The following SEC31A variants were observed in gnomAD, a reference collection of about 807,000 sequenced individuals.
SEC31A encodes the protein protein transport protein Sec31A.
In SEC31A, 70 loss-of-function variants were observed where a neutral mutation model predicts 151.0. That is an observed-to-expected ratio of 0.46 (90% CI 0.38 to 0.57). The LOEUF (loss-of-function observed/expected upper bound fraction) is 0.57, where lower values mean the gene tolerates loss of function less well. SEC31A is among the 20% of genes least tolerant of loss of function. The pLI, the probability that SEC31A is intolerant of heterozygous loss-of-function variation, is 0.00. For missense variants in SEC31A, 1,330 were observed against 1,471.2 expected (o/e 0.90, Z 1.57); for synonymous variants, 475 against 505.9 (o/e 0.94, Z 0.82).
chr4:82,844,518 C>G lies in SEC31A; in HGVS notation c.2503-9G>C. 1 of 1,612,378 alleles carries G rather than the reference C, an allele frequency of 6.2e-7. No individual in the cohort carries two copies. The highest frequency in any genetic ancestry group is 8.5e-7 in the Non-Finnish European group (1 of 1,178,774). On this transcript the variant is annotated splice_polypyrimidine_tract_variant and intron_variant, in intron 20 of 26. Coordinates refer to ENST00000395310, the MANE Select transcript of SEC31A (RefSeq NM_001077207.4). ...GGTGGAGGATTTTCTCCCTAAGAAA[C>G]AAGAACATGGTAAGAAGGCGGATAC...
At chr4:82,889,198 T>G (rs1741662027) in intron 1 of SEC31A, among the ~76,000 whole-genome samples, 1 of 152,204 alleles carries the variant, frequency 6.6e-6, no homozygotes, top group Non-Finnish European at 1.5e-5. Flanking sequence ...AATAAAACTT[T>G]TTGAGCTGAA....
At chr4:82,846,724 T>G (rs532997233) in intron 20 of SEC31A, among the ~76,000 whole-genome samples, 176 of 151,048 alleles carry the variant, frequency 1.2e-3, no homozygotes, top group African/African-American at 4.1e-3. Flanking sequence ...TTTGTTTGTT[T>G]GTTTTGAGAC....
At position 82,878,824 on chromosome 4, in the gene SEC31A, G is replaced by A. The variant is rs1430719260; in HGVS notation, c.308C>T (p.Pro103Leu). 1.9e-6 allele frequency: 3 copies of A among 1,613,520 alleles called. No homozygotes were observed. The highest frequency in any genetic ancestry group is 2.7e-5 in the African/African-American group (2 of 74,884). Residue 103 changes from proline (P) to leucine (L), a missense_variant, in exon 4 of 27, where the codon CCT becomes CTT. By Grantham distance (98) the Pro-to-Leu change is moderately conservative. Coordinates refer to ENST00000395310, the MANE Select transcript of SEC31A (RefSeq NM_001077207.4). ...GENGNIILYD[P>L]SKIIAGDKEV... Reference sequence around the variant, plus strand: ...CTTGTCTCCAGCTATAATTTTAGAAGGATCATAGAGAATAATATTTCCATT... The same window carrying A: ...CTTGTCTCCAGCTATAATTTTAGAAAGATCATAGAGAATAATATTTCCATT...
chr4:82,851,940 G>C (rs570703923), intron 18 of SEC31A, among the ~76,000 whole-genome samples: 2 of 152,204 alleles, frequency 1.3e-5, no homozygotes, highest in African/African-American at 4.8e-5. Flanking sequence ...GTTCTAGCCT[G>C]TATGGGAGGA....
rs754400199 is a variant in SEC31A, at chr4:82,842,375, A to G, written c.2733T>C (p.Pro911=). Residue 911 remains proline (P), a synonymous_variant, in exon 22 of 27, where the codon CCT becomes CCC. Transcript: ENST00000395310. ...TATAGGAAGAAGCAGAAGATATGTA[A>G]GGGGTGTTAGGGTAAGCGTTTGAAG... The part of the protein sequence containing the change: ...PPTSNAYPNT[P]YISSASSYTG... 9.3e-6 allele frequency: 15 copies of G among 1,613,816 alleles called. No homozygotes were observed. Among genetic ancestry groups the G allele is most frequent in the Non-Finnish European group, 1.3e-5 (15 of 1,179,944 alleles).
chr4:82,847,118 G>A (rs903183233), intron 20 of SEC31A, among the ~76,000 whole-genome samples: 46 of 152,206 alleles, frequency 3.0e-4, no homozygotes, highest in African/African-American at 1.1e-3. Flanking sequence ...TCAACAGCAC[G>A]CTAATTTTAG....
intron 1 of SEC31A, among the ~76,000 whole-genome samples, chr4:82,883,229 A>G (rs1199115792): frequency 1.3e-5 from 2 of 152,224 alleles, no homozygotes; most frequent in Non-Finnish European, 2.9e-5. Context: ...GTACTGCACT[A>G]TAAGATGTAC....
intron 21 of SEC31A, chr4:82,844,043 G>C: frequency 3.7e-6 from 1 of 270,254 alleles, no homozygotes; most frequent in Non-Finnish European, 6.8e-6. Flanking sequence ...AAAATAATTT[G>C]TGTCATCTTG....
chr4:82,884,508 C>T (rs1740202241), intron 1 of SEC31A, among the ~76,000 whole-genome samples: 3 of 152,178 alleles, frequency 2.0e-5, no homozygotes, highest in Admixed American at 2.0e-4. Context: ...CCACCAACAT[C>T]GCACATCATA....
intron 20 of SEC31A, 122 bp downstream of exon 20, chr4:82,848,682 T>G (rs576156578): frequency 2.7e-6 from 2 of 745,298 alleles, no homozygotes; most frequent in Non-Finnish European, 4.1e-6. Context: ...AATAGATCTA[T>G]TATAACAATA....
chr4:82,820,133 G>GTTTTT (rs34724288), intron 26 of SEC31A, among the ~76,000 whole-genome samples: 1 of 113,806 alleles, frequency 8.8e-6, no homozygotes, highest in African/African-American at 3.3e-5. Flanking sequence ...TGTATCTTCT[G>GTTTTT]TTTTTTTTTT....
intron 16 of SEC31A, among the ~76,000 whole-genome samples, chr4:82,855,278 T>C (rs1732384974): frequency 1.3e-5 from 2 of 152,336 alleles, no homozygotes; most frequent in African/African-American, 4.8e-5. Flanking sequence ...GAACCTTTAA[T>C]AGAAAGGTGT....
Position 82,851,202 on chromosome 4 carries a change from G to A in SEC31A, c.2328+229C>T, listed in dbSNP as rs111947220. Among the ~76,000 whole-genome samples the A allele has an allele frequency of 7.4e-3, 1,124 of 152,136 alleles. 15 individuals carry two copies. Among genetic ancestry groups the A allele is most frequent in the Middle Eastern group, 0.01 (3 of 294 alleles). On this transcript the variant is annotated intron_variant, in intron 19 of 26. Transcript: ENST00000395310. ...GTTCATTTTCCTAAAATACTATGTCGGTACAAAGGAATCTATCGCACTGCA... is the reference window on the plus strand; with the variant it reads ...GTTCATTTTCCTAAAATACTATGTCAGTACAAAGGAATCTATCGCACTGCA...
chr4:82,842,781 G>A, intron 21 of SEC31A: 1 of 277,720 alleles, frequency 3.6e-6, no homozygotes, highest in Non-Finnish European at 6.8e-6. Context: ...TCCTGATCCT[G>A]TGAAGAGACA....
Position 82,853,597 on chromosome 4 carries a change from T to C in SEC31A, c.2127A>G (p.Gln709=), listed in dbSNP as rs1428379578. The stretch of plus-strand genomic sequence containing the variant: ...GAAGTGACAAAGGGTGGCTTCCATC[T>C]TGAGCTTTAGTCCAACATGCAACTA... The part of the protein sequence containing the change: ...EKLVACWTKA[Q]DGSHPLSLQD... Residue 709 remains glutamine, a synonymous_variant, in exon 18 of 27, where the codon CAA becomes CAG. Transcript: ENST00000395310. 6.3e-7 allele frequency: 1 copy of C among 1,585,884 alleles called. No homozygotes were observed. The highest frequency in any genetic ancestry group is 8.5e-7 in the Non-Finnish European group (1 of 1,172,572).
At chr4:82,821,619 G>A (rs1399988704) in intron 25 of SEC31A, among the ~76,000 whole-genome samples, 1 of 150,990 alleles carries the variant, frequency 6.6e-6, no homozygotes, top group Non-Finnish European at 1.5e-5. Context: ...TATCAAGGGT[G>A]GAGGGTGGAG....
At chr4:82,841,442 T>TATATATATA (rs1728733052) in intron 22 of SEC31A, among the ~76,000 whole-genome samples, 21 of 64,450 alleles carry the variant, frequency 3.3e-4, no homozygotes, top group African/African-American at 7.8e-4. Context: ...AAAAAAAATT[T>TATATATATA]TATATATATA....
rs549027748 is a variant in SEC31A at position 82,841,764 on chromosome 4, G to C, written c.2968+376C>G. The stretch of plus-strand genomic sequence containing the variant: ...AAGCGGGTGGATCACTTGAGGTCAG[G>C]AGTTCGAGACCAGCCTGGCCAACAT... On this transcript the variant is annotated intron_variant, in intron 22 of 26. Coordinates refer to ENST00000395310, the MANE Select transcript of SEC31A (RefSeq NM_001077207.4). Among the ~76,000 whole-genome samples the C allele has an allele frequency of 3.6e-4, 54 of 151,752 alleles. No individual in the cohort carries two copies. The East Asian group carries it at 7.0e-3, about 20-fold the overall frequency.
chr4:82,851,687 T>G, intron 18 of SEC31A, 83 bp from the exon 19 acceptor site: 1 of 1,207,694 alleles, frequency 8.3e-7, no homozygotes, highest in Admixed American at 2.5e-5. Flanking sequence ...GTTACTAAGA[T>G]TTCTAAAACC....
Sources: allele counts gnomAD v4.1 joint callset (sites outside exome capture counted in the v4.1 genomes callset), GRCh38; gene constraint gnomAD v4.1.1; transcripts MANE v1.5; gene names NCBI Gene and HGNC (gene_info 2026-07-23, HGNC 2026-07-21).